Variants in TTC6 observed in about 807,000 individuals in gnomAD.
The protein encoded by TTC6 is tetratricopeptide repeat domain 6.
Under a neutral mutation model 210.4 loss-of-function variants are expected in TTC6, and 172 were observed. That is an observed-to-expected ratio of 0.82 (90% CI 0.72 to 0.93). The LOEUF is 0.93. Among genes scored for constraint, TTC6 ranks in the 40% least tolerant of loss-of-function variants. The pLI, the probability that TTC6 is intolerant of heterozygous loss-of-function variation, is 0.00. For missense variants in TTC6, 2,414 were observed against 2,318.1 expected (o/e 1.04, Z -0.85); for synonymous variants, 804 against 819.6 (o/e 0.98, Z 0.32).
At chr14:37,813,796 C>G (rs897117047) in intron 25 of TTC6, among the ~76,000 whole-genome samples, 4 of 152,178 alleles carry the variant, frequency 2.6e-5, no homozygotes, top group African/African-American at 9.6e-5. Context: ...CTTGTCCCCT[C>G]TTTCCTCACA....
At chr14:37,696,089 C>G (rs1487864764) in intron 3 of TTC6, among the ~76,000 whole-genome samples, 2 of 152,130 alleles carry the variant, frequency 1.3e-5, no homozygotes, top group Admixed American at 6.5e-5. Flanking sequence ...CAAGAAGTTG[C>G]AATAGCTCCT....
chr14:37,818,620 T>C (rs760530026), intron 26 of TTC6, among the ~76,000 whole-genome samples: 1 of 152,152 alleles, frequency 6.6e-6, no homozygotes, highest in African/African-American at 2.4e-5. Flanking sequence ...AGGACATATA[T>C]AGTACAGCTA....
chr14:37,626,622 A>G (rs1449095586), intron 1 of TTC6, among the ~76,000 whole-genome samples: 2 of 152,178 alleles, frequency 1.3e-5, no homozygotes, highest in Non-Finnish European at 2.9e-5. Flanking sequence ...TCATCTAGGG[A>G]CTTTGGGACA....
intron 14 of TTC6, among the ~76,000 whole-genome samples, chr14:37,779,862 A>C (rs2139246845): frequency 6.6e-6 from 1 of 152,310 alleles, no homozygotes. Context: ...TTTTTAAAGA[A>C]TTGGCCTTAT....
chr14:37,660,220 T>TA (rs2095734453), intron 1 of TTC6, among the ~76,000 whole-genome samples: 1 of 149,098 alleles, frequency 6.7e-6, no homozygotes. Context: ...TCTTCCAGGG[T>TA]TTTTTTTTTA....
chr14:37,806,339 T>A, intron 21 of TTC6, 22 bp from the exon 24 acceptor site: 1 of 1,529,172 alleles, frequency 6.5e-7, no homozygotes, highest in Non-Finnish European at 8.7e-7. Context: ...ATGGTTTGCA[T>A]TTTGACAATA....
chr14:37,792,202 T>C, intron 16 of TTC6, 62 bp from the exon 19 acceptor site: 1 of 1,266,014 alleles, frequency 7.9e-7, no homozygotes, highest in Non-Finnish European at 1.1e-6. Flanking sequence ...TATTCCTAAT[T>C]GGAGAACATT....
At chr14:37,662,511 C>T (rs926631264) in intron 1 of TTC6, among the ~76,000 whole-genome samples, 3 of 151,824 alleles carry the variant, frequency 2.0e-5, no homozygotes, top group East Asian at 1.9e-4. Flanking sequence ...CCAACTTGAT[C>T]GTGGTCTTCT....
chr14:37,842,712 A>G (rs1358620381), downstream of TTC6: 1 of 152,436 alleles, frequency 6.6e-6, no homozygotes, highest in Non-Finnish European at 1.5e-5. Context: ...ACTATAAAAA[A>G]CTGAACTCAA....
chr14:37,812,410 G>A, exon 25 of TTC6: 1 of 1,609,652 alleles, frequency 6.2e-7, no homozygotes, highest in Non-Finnish European at 8.5e-7. Context: ...CGTAGAACTA[G>A]GCCAGTATGG....
intron 10 of TTC6, 131 bp from the exon 13 acceptor site, chr14:37,748,808 T>C: frequency 1.5e-6 from 1 of 656,534 alleles, no homozygotes; most frequent in Middle Eastern, 4.2e-4. Context: ...AAAGGAGAAC[T>C]TGCGCATAAA....
At chr14:37,622,562 C>T (rs1233186729) in exon 1 of TTC6, 28 of 1,534,512 alleles carry the variant, frequency 1.8e-5, no homozygotes, top group Non-Finnish European at 2.4e-5. Context: ...CGCGCGGGGT[C>T]TTGGAGAGCT....
chr14:37,606,065 G>C (rs911709324), intron 1 of TTC6, among the ~76,000 whole-genome samples: 2 of 152,116 alleles, frequency 1.3e-5, no homozygotes, highest in African/African-American at 4.8e-5. Flanking sequence ...AACCCCGTTG[G>C]AGTTTGGGAT....
intron 10 of TTC6, among the ~76,000 whole-genome samples, chr14:37,742,699 T>G (rs899156236): frequency 5.3e-5 from 8 of 152,106 alleles, no homozygotes; most frequent in Non-Finnish European, 1.0e-4. Flanking sequence ...ATTATAGGCA[T>G]GAACCACTGC....
chr14:37,700,723 TG>T (rs1043028767), intron 4 of TTC6, among the ~76,000 whole-genome samples: 42 of 113,022 alleles, frequency 3.7e-4, no homozygotes, highest in Non-Finnish European at 5.9e-4. Flanking sequence ...AGCCTGAGAC[TG>T]GGTGACAGAG....
intron 1 of TTC6, among the ~76,000 whole-genome samples, chr14:37,643,916 A>G (rs2095696933): frequency 6.6e-6 from 1 of 152,198 alleles, no homozygotes; most frequent in Non-Finnish European, 1.5e-5. Flanking sequence ...TTTGACAATC[A>G]ATTATTACTC....
chr14:37,691,334 A>G (rs2095803230), intron 3 of TTC6, among the ~76,000 whole-genome samples: 1 of 152,204 alleles, frequency 6.6e-6, no homozygotes, highest in African/African-American at 2.4e-5. Flanking sequence ...TGTCAAACAA[A>G]CAAACAAACA....
intron 7 of TTC6, among the ~76,000 whole-genome samples, chr14:37,727,357 G>A (rs1238267456): frequency 7.1e-6 from 1 of 140,232 alleles, no homozygotes; most frequent in Non-Finnish European, 1.5e-5. Context: ...GCAGTGGTGC[G>A]ATCTTGGCTC....
chr14:37,724,370 T>A (rs941441927), intron 6 of TTC6, among the ~76,000 whole-genome samples: 8 of 152,174 alleles, frequency 5.3e-5, no homozygotes, highest in African/African-American at 1.4e-4. Flanking sequence ...TTTATATGAT[T>A]CTTTCTAAAA....
Sources: allele counts gnomAD v4.1 joint callset (sites outside exome capture counted in the v4.1 genomes callset), GRCh38; gene constraint gnomAD v4.1.1; transcripts MANE v1.5; gene names NCBI Gene and HGNC (gene_info 2026-07-23, HGNC 2026-07-21).